The following IRAK1BP1 variants were observed in gnomAD, a reference collection of about 807,000 sequenced individuals.
IRAK1BP1 encodes the protein interleukin-1 receptor-associated kinase 1-binding protein 1.
In IRAK1BP1, 24 loss-of-function variants were observed where a neutral mutation model predicts 28.0. The observed-to-expected ratio is 0.86, with a 90% CI of 0.62 to 1.20. The LOEUF is 1.20. IRAK1BP1 is among the 50% of genes most tolerant of loss of function. The pLI is 0.00. For missense variants in IRAK1BP1, 336 were observed against 316.7 expected, an observed-to-expected ratio of 1.06 and a Z score of -0.46; for synonymous variants, 131 against 116.3, an observed-to-expected ratio of 1.13 and a Z score of -0.81.
chr6:78,930,903 C>A (rs557254735), intron 4 of IRAK1BP1, among the ~76,000 whole-genome samples: 41 of 151,102 alleles, frequency 2.7e-4, no homozygotes, highest in Middle Eastern at 3.4e-3. Context: ...TGCACTCCAG[C>A]CTGGGCAACA....
chr6:78,893,330 A>G (rs552104259), intron 2 of IRAK1BP1, among the ~76,000 whole-genome samples: 1,519 of 141,834 alleles, frequency 0.011, 78 homozygotes, highest in Admixed American at 0.076. Flanking sequence ...ATATATATAT[A>G]TATATATATA....
chr6:78,972,160 C>A, the IRAK1BP1 span, among the ~76,000 whole-genome samples: 1 of 152,164 alleles, frequency 6.6e-6, no homozygotes, highest in African/African-American at 2.4e-5. Flanking sequence ...AGTGGTTCTC[C>A]CAGTACGCAG....
intron 4 of IRAK1BP1, among the ~76,000 whole-genome samples, chr6:78,943,766 C>G (rs1049853853): frequency 1.3e-5 from 2 of 151,886 alleles, no homozygotes; most frequent in African/African-American, 4.8e-5. Context: ...TGGGGTGGAT[C>G]ACCAGAGGCC....
rs1581981719 is a variant in IRAK1BP1, at chr6:78,867,893, T to G, written c.315+2T>G. 1 of 1,576,586 alleles carries G rather than the reference T, an allele frequency of 6.3e-7. No homozygotes were observed. The highest frequency in any genetic ancestry group is 1.1e-5 in the South Asian group (1 of 87,054). On this transcript the variant is annotated splice_donor_variant, in intron 1 of 3. Coordinates refer to ENST00000369940, the MANE Select transcript of IRAK1BP1 (RefSeq NM_001010844.4). LOFTEE classifies it high-confidence loss of function. ...AGCCTCCAGCAGCAGGGCGTGCAGGTGAGATCTCCGCGGGGGAGGAAATAA... is the reference window on the plus strand; with the variant it reads ...AGCCTCCAGCAGCAGGGCGTGCAGGGGAGATCTCCGCGGGGGAGGAAATAA...
At chr6:78,978,210 T>C in the IRAK1BP1 span, among the ~76,000 whole-genome samples, 5 of 152,106 alleles carry the variant, frequency 3.3e-5, no homozygotes, top group Admixed American at 1.3e-4. Context: ...CTAACACTTT[T>C]TGAAATAAAA....
intron 4 of IRAK1BP1, among the ~76,000 whole-genome samples, chr6:78,915,221 T>A (rs1000704580): frequency 1.6e-4 from 25 of 152,232 alleles, no homozygotes; most frequent in African/African-American, 5.8e-4. Context: ...TATATTACAA[T>A]GCATATGATG....
At chr6:78,911,896 GTTGTTGGTTT>G (rs1158388856) in intron 4 of IRAK1BP1, among the ~76,000 whole-genome samples, 2 of 152,154 alleles carry the variant, frequency 1.3e-5, no homozygotes, top group Non-Finnish European at 2.9e-5. Flanking sequence ...CCTTATTGTT[GTTGTTGGTTT>G]TTGTCTCTGT....
At chr6:78,961,757 A>G in the IRAK1BP1 span, 2 of 1,612,170 alleles carry the variant, frequency 1.2e-6, no homozygotes, top group Non-Finnish European at 1.7e-6. Flanking sequence ...ACTACTGTGC[A>G]ATACATGGGA....
chr6:78,879,214 G>C (rs138353128), intron 1 of IRAK1BP1, among the ~76,000 whole-genome samples: 2 of 152,154 alleles, frequency 1.3e-5, no homozygotes, highest in East Asian at 3.9e-4. Context: ...GTGGGGGTAG[G>C]GGGTAGGGAT....
chr6:78,926,120 G>A (rs1159653488), intron 4 of IRAK1BP1, among the ~76,000 whole-genome samples: 1 of 152,036 alleles, frequency 6.6e-6, no homozygotes, highest in Non-Finnish European at 1.5e-5. Context: ...ATCACAATTA[G>A]ATAACATCTC....
intron 4 of IRAK1BP1, among the ~76,000 whole-genome samples, chr6:78,909,848 C>CT (rs11402304): frequency 0.076 from 11,576 of 152,092 alleles, 554 homozygotes; most frequent in African/African-American, 0.13. Context: ...TATTTCTTTT[C>CT]TTTTTTTGCT....
the IRAK1BP1 span, among the ~76,000 whole-genome samples, chr6:78,965,196 T>C: frequency 6.6e-6 from 1 of 152,234 alleles, no homozygotes; most frequent in East Asian, 1.9e-4. Flanking sequence ...CACATGATGC[T>C]ATTTAATCTT....
At chr6:78,919,016 T>C (rs1304575706) in intron 4 of IRAK1BP1, among the ~76,000 whole-genome samples, 2 of 152,116 alleles carry the variant, frequency 1.3e-5, no homozygotes, top group African/African-American at 4.8e-5. Context: ...ATGACCACAG[T>C]GGAATAAAAA....
intron 4 of IRAK1BP1, chr6:78,938,637 T>C (rs1773358711): frequency 6.6e-6 from 1 of 151,756 alleles, no homozygotes; most frequent in African/African-American, 2.4e-5. Flanking sequence ...CATCCATTTC[T>C]GCATTATGAA....
Position 78,867,616 on chromosome 6 carries a change from G to A in IRAK1BP1, c.40G>A (p.Glu14Lys). ...GACCCCTCCGACCCGAGTGTTCGTG[G>A]AACTGGTTCCCTGGGCTGACCGGAG... is the stretch of plus-strand genomic sequence containing the variant. ...QKTPPTRVFV[E>K]LVPWADRSRE... Residue 14 changes from glutamate (E) to lysine (K), a missense_variant, in exon 1 of 4, where the codon GAA becomes AAA. Glu to Lys is a moderately conservative substitution (Grantham distance 56). Coordinates refer to ENST00000369940, the MANE Select transcript of IRAK1BP1 (RefSeq NM_001010844.4). 1 of 1,614,222 alleles carries A rather than the reference G, an allele frequency of 6.2e-7. No homozygotes were observed. The highest frequency in any genetic ancestry group is 8.5e-7 in the Non-Finnish European group (1 of 1,180,032).
intron 4 of IRAK1BP1, among the ~76,000 whole-genome samples, chr6:78,924,790 G>A (rs1772841634): frequency 1.3e-5 from 2 of 152,110 alleles, no homozygotes; most frequent in South Asian, 2.1e-4. Flanking sequence ...ATGTAATCCA[G>A]CATATAAACA....
chr6:78,915,740 C>T (rs1165078967), intron 4 of IRAK1BP1, among the ~76,000 whole-genome samples: 1 of 152,216 alleles, frequency 6.6e-6, no homozygotes, highest in Admixed American at 6.5e-5. Context: ...CCTGAAAGAC[C>T]TCCCAGCCTT....
chr6:78,928,579 G>A (rs1305637292), intron 4 of IRAK1BP1, among the ~76,000 whole-genome samples: 1 of 152,032 alleles, frequency 6.6e-6, no homozygotes, highest in South Asian at 2.1e-4. Context: ...TGGTGACAGT[G>A]TCCTTGTTGT....
At chr6:78,872,897 A>G (rs1770839377) in intron 1 of IRAK1BP1, among the ~76,000 whole-genome samples, 1 of 152,106 alleles carries the variant, frequency 6.6e-6, no homozygotes. Context: ...CTAGTTCACA[A>G]TATTTTGCCC....
Sources: gnomAD v4.1 joint callset for allele counts (sites outside exome capture counted in the v4.1 genomes callset) on GRCh38, gnomAD v4.1.1 for gene constraint, MANE v1.5 for transcripts, NCBI Gene and HGNC (gene_info 2026-07-23, HGNC 2026-07-21) for gene names.